MAGI3: variants seen among roughly 807,000 people sequenced by gnomAD.
The protein encoded by MAGI3 is membrane associated guanylate kinase, WW and PDZ domain containing 3.
A neutral mutation model predicts 121.8 loss-of-function variants in MAGI3; 43 were observed. That is an observed-to-expected ratio of 0.35 (90% CI 0.28 to 0.46). The LOEUF is 0.46. MAGI3 is among the 20% of genes least tolerant of loss of function. MAGI3 has a pLI of 1.00. For synonymous variants in MAGI3, 553 were observed against 639.3 expected, an observed-to-expected ratio of 0.86 and a Z score of 2.04; for missense variants, 1,547 against 1,797.3, an observed-to-expected ratio of 0.86 and a Z score of 2.52.
intron 1 of MAGI3, among the ~76,000 whole-genome samples, chr1:113,513,239 C>T (rs2101614741): frequency 6.6e-6 from 1 of 152,268 alleles, no homozygotes; most frequent in Admixed American, 6.5e-5. Context: ...CCCCATGAAG[C>T]TACCAATGAC....
At chr1:113,421,275 A>G (rs1302035454) in intron 1 of MAGI3, among the ~76,000 whole-genome samples, 2 of 152,210 alleles carry the variant, frequency 1.3e-5, no homozygotes, top group East Asian at 1.9e-4. Flanking sequence ...GTCCTCTTAG[A>G]TAAATCCAAT....
chr1:113,444,348 C>T (rs1654064073), intron 1 of MAGI3, among the ~76,000 whole-genome samples: 1 of 152,232 alleles, frequency 6.6e-6, no homozygotes, highest in Non-Finnish European at 1.5e-5. Context: ...TCCCCTCCCC[C>T]TTCAGCTGAA....
At position 113,437,794 on chromosome 1, in the gene MAGI3, C is replaced by CTT. The variant is rs1653650606; in HGVS notation, c.316+46446_316+46447dup. Among the ~76,000 whole-genome samples, 6 of 146,156 alleles carry CTT rather than the reference C, an allele frequency of 4.1e-5. No homozygotes were observed. In the South Asian group the frequency reaches 1.1e-3, roughly 27 times the overall value. On this transcript the variant is annotated intron_variant, in intron 1 of 20. Coordinates refer to ENST00000307546, the MANE Select transcript of MAGI3 (RefSeq NM_001142782.2). ...TCTTCCTTCTTTCTTCTTCTTCCTT[C>CTT]TTCTTTCTTCTTTTCTTCTTCTTCT...
At chr1:113,403,238 C>T (rs1464153917) in intron 1 of MAGI3, among the ~76,000 whole-genome samples, 2 of 151,928 alleles carry the variant, frequency 1.3e-5, no homozygotes, top group African/African-American at 2.4e-5. Context: ...GCTACTGAAA[C>T]AGTGGCAAGA....
In MAGI3 at chr1:113,642,021, T is replaced by C; in HGVS notation, c.1471T>C (p.Cys491Arg). 6.2e-7 allele frequency: 1 copy of C among 1,614,230 alleles called. No individual in the cohort carries two copies. Among genetic ancestry groups the C allele is most frequent in the Non-Finnish European group, 8.5e-7 (1 of 1,180,046 alleles). Residue 491 changes from cysteine to arginine, a missense_variant, in exon 10 of 21, where the codon TGT becomes CGT. Coordinates refer to ENST00000307546, the MANE Select transcript of MAGI3 (RefSeq NM_001142782.2). Reference protein sequence around the residue: ...PVNQYVNLTLCRGYPLPDDSE... With the variant: ...PVNQYVNLTLRRGYPLPDDSE... Reference sequence around the variant, plus strand: ...CAATCAGTATGTAAACCTCACTTTATGTCGTGGTTATCCACTTCCTGATGA... The same window carrying C: ...CAATCAGTATGTAAACCTCACTTTACGTCGTGGTTATCCACTTCCTGATGA...
chr1:113,509,147 T>A (rs1657486253), intron 1 of MAGI3, among the ~76,000 whole-genome samples: 1 of 152,094 alleles, frequency 6.6e-6, no homozygotes, highest in Non-Finnish European at 1.5e-5. Flanking sequence ...AAATTACCAT[T>A]TTGAGATCTA....
chr1:113,619,909 C>A, intron 8 of MAGI3, 79 bp downstream of exon 8: 1 of 953,598 alleles, frequency 1.0e-6, no homozygotes, highest in Middle Eastern at 2.1e-4. Flanking sequence ...TGAGTTTGAA[C>A]TTCTTATTTC....
At chr1:113,550,349 G>A (rs1443920392) in intron 2 of MAGI3, among the ~76,000 whole-genome samples, 1 of 151,964 alleles carries the variant, frequency 6.6e-6, no homozygotes, top group Non-Finnish European at 1.5e-5. Flanking sequence ...CCGGGAGGCG[G>A]AGCTTGCAGT....
rs141978579 is a variant in MAGI3, at chr1:113,580,600, C to T, written c.492C>T (p.Ser164=). 1.7e-4 allele frequency: 272 copies of T among 1,611,702 alleles called. No individual in the cohort carries two copies. The African/African-American group carries it at 3.2e-3, about 19-fold the overall frequency. Residue 164 remains serine (S), a synonymous_variant, in exon 3 of 21, where the codon TCC becomes TCT. Coordinates refer to ENST00000307546, the MANE Select transcript of MAGI3 (RefSeq NM_001142782.2). ...CAGGAGTGGATTATAATTTCATTTCCGTTGAACAGTTCAAAGCACTGGAAG... is the reference window on the plus strand; with the variant it reads ...CAGGAGTGGATTATAATTTCATTTCTGTTGAACAGTTCAAAGCACTGGAAG... ...EVPGVDYNFI[S]VEQFKALEES... is the part of the protein sequence containing the mutation.
chr1:113,611,654 C>T (rs964774792), intron 6 of MAGI3, among the ~76,000 whole-genome samples: 7 of 152,120 alleles, frequency 4.6e-5, no homozygotes, highest in African/African-American at 1.7e-4. Context: ...TCTATTTCGT[C>T]CTTTATTACT....
At chr1:113,603,061 T>G (rs1158357264) in intron 6 of MAGI3, among the ~76,000 whole-genome samples, 1 of 151,806 alleles carries the variant, frequency 6.6e-6, no homozygotes, top group Non-Finnish European at 1.5e-5. Context: ...GACCATTAGC[T>G]AGATTAACCA....
chr1:113,675,880 C>T (rs1647836922), intron 19 of MAGI3, among the ~76,000 whole-genome samples: 1 of 152,176 alleles, frequency 6.6e-6, no homozygotes, highest in African/African-American at 2.4e-5. Flanking sequence ...CCTGAGTTTC[C>T]TCATCTGCAA....
At chr1:113,531,931 T>C (rs1266017168) in intron 1 of MAGI3, among the ~76,000 whole-genome samples, 1 of 152,220 alleles carries the variant, frequency 6.6e-6, no homozygotes, top group Non-Finnish European at 1.5e-5. Flanking sequence ...CATCTGTTTT[T>C]ATACATTGGA....
At position 113,685,596 on chromosome 1, in the gene MAGI3, G is replaced by A. The variant is rs1557894033; in HGVS notation, c.*1582G>A. The A allele has an allele frequency of 6.6e-6, 1 of 152,294 alleles. No homozygotes were observed. The highest frequency in any genetic ancestry group is 1.5e-5 in the Non-Finnish European group (1 of 68,032). The allele number at this position is 152,294 out of a possible 1,614,324, so 9.4% of individuals were successfully genotyped here. A position where few individuals can be genotyped will look rare whatever the true frequency, so the allele number is the denominator to read the frequency against. On this transcript the variant is annotated 3_prime_UTR_variant, in exon 21 of 21. Coordinates refer to ENST00000307546, the MANE Select transcript of MAGI3 (RefSeq NM_001142782.2). Reference sequence around the variant, plus strand: ...CTATTCAAATAGAGCAAAATTAGGAGGCTTGATAAATACTAAGAATTTAGT... The same window carrying A: ...CTATTCAAATAGAGCAAAATTAGGAAGCTTGATAAATACTAAGAATTTAGT...
chr1:113,466,819 A>C (rs561858098), intron 1 of MAGI3, among the ~76,000 whole-genome samples: 2 of 151,514 alleles, frequency 1.3e-5, no homozygotes, highest in East Asian at 3.9e-4. Context: ...TTCATTTCTG[A>C]TTTTATTTGG....
rs560185857 is a variant in MAGI3 at position 113,533,336 on chromosome 1, A to G, written c.317-16179A>G. Among the ~76,000 whole-genome samples the G allele has an allele frequency of 2.0e-5, 3 of 152,350 alleles. No homozygotes were observed. In the South Asian group the frequency reaches 6.2e-4, roughly 32 times the overall value. On this transcript the variant is annotated intron_variant, in intron 1 of 20. Transcript: ENST00000307546. ...ACATTAAATCAATTAACACAACAACAGATAACCAAATCCACATGTTTTCAT... is the reference window on the plus strand; with the variant it reads ...ACATTAAATCAATTAACACAACAACGGATAACCAAATCCACATGTTTTCAT...
intron 1 of MAGI3, among the ~76,000 whole-genome samples, chr1:113,518,624 G>A (rs77622074): frequency 6.6e-6 from 1 of 152,156 alleles, no homozygotes; most frequent in Non-Finnish European, 1.5e-5. Context: ...CTTTCAGACT[G>A]TGATTTAAAG....
rs543815702 is a variant in MAGI3, at chr1:113,584,033, A to C, written c.554-1354A>C. Among the ~76,000 whole-genome samples, 18 of 152,206 alleles carry C rather than the reference A, an allele frequency of 1.2e-4. No individual in the cohort carries two copies. The East Asian group carries it at 3.5e-3, about 29-fold the overall frequency. ...ATGTAATGTCTAGATTTGTCTCAGC[A>C]TTATGGGGAAGAACCTATGCTATTT... On this transcript the variant is annotated intron_variant, in intron 3 of 20. Coordinates refer to ENST00000307546, the MANE Select transcript of MAGI3 (RefSeq NM_001142782.2).
intron 1 of MAGI3, among the ~76,000 whole-genome samples, chr1:113,406,529 A>AG (rs1491211673): frequency 1.3e-5 from 2 of 151,910 alleles, no homozygotes; most frequent in Non-Finnish European, 2.9e-5. Context: ...GAAAAAAAAA[A>AG]GAAAATAGAT....
Sources: allele counts gnomAD v4.1 joint callset (sites outside exome capture counted in the v4.1 genomes callset), GRCh38; gene constraint gnomAD v4.1.1; transcripts MANE v1.5; gene names NCBI Gene and HGNC (gene_info 2026-07-23, HGNC 2026-07-21).